The following FHAD1 variants were observed in gnomAD, a reference collection of about 807,000 sequenced individuals.
FHAD1 encodes the protein forkhead associated phosphopeptide binding domain 1.
Under a neutral mutation model 191.3 loss-of-function variants are expected in FHAD1, and 146 were observed. That is an observed-to-expected ratio of 0.76 (90% CI 0.67 to 0.88). The LOEUF is 0.88. FHAD1 is among the 40% of genes least tolerant of loss of function. The pLI, the probability that FHAD1 is intolerant of heterozygous loss-of-function variation, is 0.00. For synonymous variants in FHAD1, 616 were observed against 672.3 expected (o/e 0.92, Z 1.29); for missense variants, 1,635 against 1,785.8 (o/e 0.92, Z 1.52).
intron 29 of FHAD1, 66 bp downstream of exon 29, chr1:15,380,862 C>T (rs1222816684): frequency 5.3e-5 from 62 of 1,167,736 alleles, no homozygotes; most frequent in Admixed American, 6.5e-5. Flanking sequence ...CAGTGTTGAA[C>T]GCAGGATAGT....
Position 15,247,365 on chromosome 1 carries a change from G to A in FHAD1, c.-45G>A, listed in dbSNP as rs568726779. The stretch of plus-strand genomic sequence containing the variant: ...CCGAGCTGGCAGGGCTCTCGGCGGA[G>A]GTCGGAGCGTGGGCTTCCTCCTCCC... On this transcript the variant is annotated 5_prime_UTR_variant, in exon 1 of 34. Transcript: ENST00000688493. 28 of 235,210 alleles carry A rather than the reference G, an allele frequency of 1.2e-4. No homozygotes were observed. Among genetic ancestry groups the A allele is most frequent in the African/African-American group, 4.2e-4 (18 of 42,610 alleles). 14.6% of individuals were successfully genotyped at this position (235,210 alleles called of 1,614,324 possible).
In FHAD1 at chr1:15,358,292, G is replaced by A. The variant is rs753652263; in HGVS notation, c.2736+9G>A. On this transcript the variant is annotated intron_variant, in intron 21 of 33. Transcript: ENST00000688493. ...CTACCAAGACAAAAATGGTAAGTCG[G>A]TGCCTTCCGGGAACGGGAGAATTTT... 25 of 1,522,620 alleles carry A rather than the reference G, an allele frequency of 1.6e-5. No homozygotes were observed. Among genetic ancestry groups the A allele is most frequent in the Non-Finnish European group, 2.2e-5 (25 of 1,140,366 alleles). The allele number at this position is 1,522,620 out of a possible 1,614,324, so 94.3% of individuals were successfully genotyped here. A position where few individuals can be genotyped will look rare whatever the true frequency, so the allele number is the denominator to read the frequency against.
rs764398222 is a variant in FHAD1, at chr1:15,362,745, G to A, written c.3047+19G>A. ...ATCTGATGTGAGTACCCGTGGGTGT[G>A]TGAGCGCCAGGCATTCTCACCGGCA... On this transcript the variant is annotated intron_variant, in intron 23 of 33. Coordinates refer to ENST00000688493, the MANE Select transcript of FHAD1 (RefSeq NM_001391957.1). 4.5e-5 allele frequency: 70 copies of A among 1,543,894 alleles called. 1 individual carries two copies. The South Asian group carries it at 8.2e-4, about 18-fold the overall frequency.
At chr1:15,370,347 GT>G (rs1697715519) in intron 26 of FHAD1, among the ~76,000 whole-genome samples, 2 of 152,090 alleles carry the variant, frequency 1.3e-5, no homozygotes, top group Non-Finnish European at 1.5e-5. Context: ...TGCAACATGG[GT>G]TTATTTTTAC....
downstream of FHAD1, among the ~76,000 whole-genome samples, chr1:15,398,484 G>T (rs779225284): frequency 6.6e-6 from 1 of 151,924 alleles, no homozygotes; most frequent in Admixed American, 6.6e-5. Context: ...AACTTACATG[G>T]CCTGCCTAAA....
At chr1:15,254,019 G>C (rs576317145) in intron 2 of FHAD1, among the ~76,000 whole-genome samples, 216 of 152,186 alleles carry the variant, frequency 1.4e-3, no homozygotes, top group Middle Eastern at 3.4e-3. Context: ...AAACGCAATC[G>C]ATTTTAAAAT....
chr1:15,314,304 G>T (rs1673267345), intron 8 of FHAD1: 1 of 152,212 alleles, frequency 6.6e-6, no homozygotes, highest in South Asian at 2.1e-4. Context: ...AGCAGCAGTA[G>T]TGACCTCTGG....
At chr1:15,379,454 A>T (rs904951210) in intron 28 of FHAD1, among the ~76,000 whole-genome samples, 2 of 152,200 alleles carry the variant, frequency 1.3e-5, no homozygotes, top group Non-Finnish European at 2.9e-5. Context: ...CGGGTTTTAT[A>T]CCGAGACATT....
intron 24 of FHAD1, among the ~76,000 whole-genome samples, chr1:15,366,583 C>T (rs1337812956): frequency 5.3e-5 from 8 of 152,224 alleles, no homozygotes; most frequent in South Asian, 2.1e-4. Context: ...CTCCCTGCAG[C>T]AGGCCAGTTT....
Position 15,360,691 on chromosome 1 carries a change from G to T in FHAD1, c.2950G>T (p.Asp984Tyr), listed in dbSNP as rs753103216. Residue 984 changes from aspartate to tyrosine, a missense_variant, in exon 22 of 34, where the codon GAC (aspartate) becomes TAC (tyrosine). Asp to Tyr is a radical substitution (Grantham distance 160, BLOSUM62 -3). Transcript: ENST00000688493. ...KIEGEIATLK[D>Y]NDPAPKEERP... ...AGAAGGCGAGATTGCAACATTGAAG[G>T]ACAATGACCCAGGTAAGTCCGAAGG... The T allele has an allele frequency of 3.9e-6, 6 of 1,551,488 alleles. No homozygotes were observed. The South Asian group carries it at 4.8e-5, about 12-fold the overall frequency.
chr1:15,263,917 C>T (rs1195036065), intron 2 of FHAD1, among the ~76,000 whole-genome samples: 1 of 152,132 alleles, frequency 6.6e-6, no homozygotes, highest in Non-Finnish European at 1.5e-5. Flanking sequence ...GTATTGACAC[C>T]CTTGTCGAAA....
upstream of FHAD1, among the ~76,000 whole-genome samples, chr1:15,242,628 T>G (rs2100574670): frequency 6.6e-6 from 1 of 152,234 alleles, no homozygotes; most frequent in Middle Eastern, 3.4e-3. Flanking sequence ...AAGGAGCACA[T>G]CCTATCTCTT....
Position 15,316,315 on chromosome 1 carries a change from C to T in FHAD1, c.1171-63C>T. 7.4e-7 allele frequency: 1 copy of T among 1,351,920 alleles called. No homozygotes were observed. The highest frequency in any genetic ancestry group is 1.0e-6 in the Non-Finnish European group (1 of 968,804). The allele number at this position is 1,351,920 out of a possible 1,614,324, so 83.7% of individuals were successfully genotyped here. On this transcript the variant is annotated intron_variant, in intron 8 of 33. Coordinates refer to ENST00000688493, the MANE Select transcript of FHAD1 (RefSeq NM_001391957.1). The surrounding 1 kb of genome is among the most constrained non-coding windows in gnomAD (Gnocchi z 4.3). The stretch of plus-strand genomic sequence containing the variant: ...CTCACATGGGGCCTTGGAGCCCCTC[C>T]TTCCCCCGACAACCCTACCTGGCCA...
chr1:15,301,127 G>GCC lies in FHAD1; in HGVS notation c.679-75_679-74dup, dbSNP rs375955686. The GCC allele has an allele frequency of 2.2e-4, 279 of 1,297,648 alleles. No homozygotes were observed. The African/African-American group carries it at 3.8e-3, about 18-fold the overall frequency. The allele number at this position is 1,297,648 out of a possible 1,614,324, so 80.4% of individuals were successfully genotyped here. Reference sequence around the variant, plus strand: ...TTACAGGCGTGAGCCACCGCACCCGGCCCCTACTTTTTTTTAATGGGCTCA... The same window carrying GCC: ...TTACAGGCGTGAGCCACCGCACCCGGCCCCCCTACTTTTTTTTAATGGGCTCA... On this transcript the variant is annotated intron_variant, in intron 5 of 33. Coordinates refer to ENST00000688493, the MANE Select transcript of FHAD1 (RefSeq NM_001391957.1).
At chr1:15,307,308 C>T (rs1357477982) in intron 6 of FHAD1, among the ~76,000 whole-genome samples, 18 of 152,216 alleles carry the variant, frequency 1.2e-4, no homozygotes, top group Admixed American at 1.2e-3. Context: ...TTTGATTTTA[C>T]AGGCTCATAG....
intron 2 of FHAD1, among the ~76,000 whole-genome samples, chr1:15,269,897 A>G (rs1446084283): frequency 7.2e-6 from 1 of 138,156 alleles, no homozygotes; most frequent in Non-Finnish European, 1.6e-5. Flanking sequence ...TTACCCCTTT[A>G]CCATTATTTA....
intron 1 of FHAD1, among the ~76,000 whole-genome samples, chr1:15,240,630 C>CAAA (rs34684294): frequency 9.1e-6 from 1 of 109,874 alleles, no homozygotes; most frequent in Admixed American, 1.0e-4. Flanking sequence ...GACCCTGTCT[C>CAAA]AAAAAAAAAA....
intron 28 of FHAD1, among the ~76,000 whole-genome samples, chr1:15,380,453 C>T (rs148969000): frequency 1.1e-3 from 174 of 152,224 alleles, no homozygotes; most frequent in African/African-American, 3.9e-3. Context: ...GGAAGACAGG[C>T]GGTGATCAAA....
intron 11 of FHAD1, chr1:15,324,915 T>C (rs1245212481): frequency 3.3e-6 from 1 of 303,652 alleles, no homozygotes; most frequent in East Asian, 7.1e-5. Context: ...CCACAATCTT[T>C]CTTCCCCTTG....
Sources: allele counts gnomAD v4.1 joint callset (sites outside exome capture counted in the v4.1 genomes callset), GRCh38; gene constraint gnomAD v4.1.1; non-coding constraint Gnocchi (gnomAD v3.1); transcripts MANE v1.5; gene names NCBI Gene and HGNC (gene_info 2026-07-23, HGNC 2026-07-21).